EBF1: variants seen among roughly 807,000 people sequenced by gnomAD.
EBF1 encodes transcription factor COE1.
A neutral mutation model predicts 68.4 loss-of-function variants in EBF1; 10 were observed. The observed-to-expected ratio is 0.15, with a 90% CI of 0.09 to 0.25. The LOEUF (loss-of-function observed/expected upper bound fraction) is 0.25, where lower values mean the gene tolerates loss of function less well. EBF1 is among the 10% of genes least tolerant of loss of function. EBF1 has a pLI of 1.00. For missense variants in EBF1, 509 were observed against 794.4 expected (o/e 0.64, Z 4.32); for synonymous variants, 298 against 299.8 (o/e 0.99, Z 0.06).
intron 6 of EBF1, among the ~76,000 whole-genome samples, chr5:158,856,844 G>C (rs1489435372): frequency 6.6e-6 from 1 of 152,084 alleles, no homozygotes; most frequent in African/African-American, 2.4e-5. Context: ...ACTGCAACTG[G>C]GCTAAGAATC....
At chr5:158,903,745 T>C (rs1239243056) in intron 6 of EBF1, among the ~76,000 whole-genome samples, 2 of 152,164 alleles carry the variant, frequency 1.3e-5, no homozygotes, top group Non-Finnish European at 2.9e-5. Flanking sequence ...TTGTATTTGA[T>C]CCAAAGACAA....
At chr5:158,845,360 A>AC (rs1322928708) in intron 6 of EBF1, among the ~76,000 whole-genome samples, 2 of 152,026 alleles carry the variant, frequency 1.3e-5, no homozygotes, top group Non-Finnish European at 2.9e-5. Flanking sequence ...TTTTAGCTTT[A>AC]CTCCTTAATT....
At chr5:158,873,790 C>A (rs31196) in intron 6 of EBF1, among the ~76,000 whole-genome samples, 74,382 of 152,026 alleles carry the variant, frequency 0.49, 19,152 homozygotes, top group South Asian at 0.73. Context: ...AAGATGATTT[C>A]CTTATCACCT....
chr5:159,050,816 T>A (rs1167343521), intron 6 of EBF1, among the ~76,000 whole-genome samples: 6 of 151,692 alleles, frequency 4.0e-5, no homozygotes, highest in Non-Finnish European at 8.8e-5. Context: ...CCGGAGGGAG[T>A]AGTGGGTACA....
chr5:158,772,463 G>A (rs894430876), intron 10 of EBF1, among the ~76,000 whole-genome samples: 1 of 152,162 alleles, frequency 6.6e-6, no homozygotes, highest in Non-Finnish European at 1.5e-5. Context: ...AGCATGTGTT[G>A]TTCCCTAAAA....
intron 6 of EBF1, among the ~76,000 whole-genome samples, chr5:159,023,348 G>T (rs1767101825): frequency 6.6e-6 from 1 of 152,180 alleles, no homozygotes; most frequent in Admixed American, 6.5e-5. Flanking sequence ...TACAGATAGG[G>T]AAATGAAGTT....
At chr5:158,926,463 C>T (rs1430418927) in intron 6 of EBF1, among the ~76,000 whole-genome samples, 1 of 152,074 alleles carries the variant, frequency 6.6e-6, no homozygotes, top group Non-Finnish European at 1.5e-5. Context: ...CAGTGGATCA[C>T]GCCTGTAATC....
intron 9 of EBF1, among the ~76,000 whole-genome samples, chr5:158,780,627 T>G (rs1776271531): frequency 6.6e-6 from 1 of 152,168 alleles, no homozygotes; most frequent in South Asian, 2.1e-4. Flanking sequence ...TAATATAAAT[T>G]ATAGCTAGAT....
intron 6 of EBF1, among the ~76,000 whole-genome samples, chr5:158,985,539 T>C (rs1758849598): frequency 6.6e-6 from 1 of 152,258 alleles, no homozygotes; most frequent in South Asian, 2.1e-4. Flanking sequence ...CTCTAAAATC[T>C]TCTGAGGCTT....
chr5:159,009,678 C>G (rs1157761944), intron 6 of EBF1, among the ~76,000 whole-genome samples: 1 of 151,504 alleles, frequency 6.6e-6, no homozygotes, highest in Non-Finnish European at 1.5e-5. Flanking sequence ...ACTCAGGAGG[C>G]TGAGGCAGGA....
chr5:158,699,288 A>G, intron 15 of EBF1, 146 bp from the exon 16 acceptor site: 1 of 713,714 alleles, frequency 1.4e-6, no homozygotes, highest in Non-Finnish European at 2.2e-6. Flanking sequence ...TCTTCTCTGG[A>G]ATGAATTTTC....
intron 7 of EBF1, among the ~76,000 whole-genome samples, chr5:158,838,200 C>G (rs1295472374): frequency 1.3e-5 from 2 of 152,088 alleles, no homozygotes; most frequent in Non-Finnish European, 2.9e-5. Context: ...AATTCCAGCA[C>G]TTTGGGAGGC....
At chr5:158,771,355 T>C in intron 10 of EBF1, among the ~76,000 whole-genome samples, 1 of 152,128 alleles carries the variant, frequency 6.6e-6, no homozygotes, top group East Asian at 1.9e-4. Flanking sequence ...ATGAAATTCA[T>C]AATATAAGCC....
At chr5:158,885,926 T>C (rs550929300) in intron 6 of EBF1, among the ~76,000 whole-genome samples, 2 of 152,188 alleles carry the variant, frequency 1.3e-5, no homozygotes, top group Non-Finnish European at 2.9e-5. Context: ...CCTGTTGAAA[T>C]TGCTTCTCTG....
intron 6 of EBF1, among the ~76,000 whole-genome samples, chr5:158,999,897 G>A (rs1225564646): frequency 1.3e-5 from 2 of 152,178 alleles, no homozygotes; most frequent in Non-Finnish European, 2.9e-5. Context: ...GCTACAGAAA[G>A]CTGTTGATAC....
intron 5 of EBF1, among the ~76,000 whole-genome samples, chr5:159,081,723 G>A (rs1584487437): frequency 6.6e-6 from 1 of 152,194 alleles, no homozygotes; most frequent in Non-Finnish European, 1.5e-5. Context: ...AGAGCTCTGG[G>A]AACTAGGTTC....
chr5:158,783,157 A>T (rs1431404474), intron 9 of EBF1, among the ~76,000 whole-genome samples: 2 of 152,128 alleles, frequency 1.3e-5, no homozygotes, highest in African/African-American at 4.8e-5. Context: ...TCTTCCTCCT[A>T]TGTGTATGTA....
chr5:158,895,944 A>G (rs957372669), intron 6 of EBF1, among the ~76,000 whole-genome samples: 1 of 152,228 alleles, frequency 6.6e-6, no homozygotes, highest in Non-Finnish European at 1.5e-5. Context: ...GCACAAAGAG[A>G]GAGGCAAAGA....
chr5:158,892,597 T>A lies in EBF1; in HGVS notation c.555-52487A>T, dbSNP rs141669832. ...ATGGGGTCGCAGTCAAAACTTCGTT[T>A]CATGCACAAAATTATCTAATATATT... On this transcript the variant is annotated intron_variant, in intron 6 of 15. Coordinates refer to ENST00000313708, the MANE Select transcript of EBF1 (RefSeq NM_024007.5). 6.8e-3 allele frequency among the ~76,000 whole-genome samples: 1,033 copies of A among 152,332 alleles called. 15 individuals are homozygous for A. The highest frequency in any genetic ancestry group is 0.023 in the African/African-American group (977 of 41,578).
Sources: allele counts gnomAD v4.1 joint callset (sites outside exome capture counted in the v4.1 genomes callset), GRCh38; gene constraint gnomAD v4.1.1; transcripts MANE v1.5; gene names NCBI Gene and HGNC (gene_info 2026-07-23, HGNC 2026-07-21).